The following ANXA10 variants were observed in gnomAD, a reference collection of about 807,000 sequenced individuals.
ANXA10 encodes annexin A10, also known as annexin 14.
ANXA10 carries 49 observed loss-of-function variants against 53.5 expected under a neutral mutation model. That is an observed-to-expected ratio of 0.92 (90% CI 0.73 to 1.16). The LOEUF is 1.16. Ranked by LOEUF, ANXA10 falls within the 50% of genes most tolerant of loss-of-function variation. ANXA10 has a pLI of 0.00. For missense variants in ANXA10, 393 were observed against 394.4 expected (o/e 1.00, Z 0.03); for synonymous variants, 131 against 128.9 (o/e 1.02, Z -0.11).
At chr4:168,118,380 A>G (rs1181036795) in intron 1 of ANXA10, among the ~76,000 whole-genome samples, 2 of 152,300 alleles carry the variant, frequency 1.3e-5, no homozygotes, top group African/African-American at 4.8e-5. Context: ...TGTATTTTCT[A>G]TTTCAGGGAG....
chr4:168,096,233 C>T (rs911640761), intron 1 of ANXA10, among the ~76,000 whole-genome samples: 1 of 152,122 alleles, frequency 6.6e-6, no homozygotes, highest in Non-Finnish European at 1.5e-5. Context: ...AGGACAAAAA[C>T]TTCCATCCAA....
At chr4:168,168,846 C>T (rs1014144205) in intron 6 of ANXA10, among the ~76,000 whole-genome samples, 6 of 152,100 alleles carry the variant, frequency 3.9e-5, no homozygotes, top group African/African-American at 1.4e-4. Context: ...CTATATTAGG[C>T]CCAAATAGAA....
At chr4:168,103,850 T>C (rs1349695512) in intron 1 of ANXA10, among the ~76,000 whole-genome samples, 1 of 151,966 alleles carries the variant, frequency 6.6e-6, no homozygotes, top group Non-Finnish European at 1.5e-5. Context: ...ATTCTGTTTC[T>C]TCTATTCCAA....
At chr4:168,157,244 A>G (rs966567084) in intron 3 of ANXA10, among the ~76,000 whole-genome samples, 1 of 152,034 alleles carries the variant, frequency 6.6e-6, no homozygotes, top group Non-Finnish European at 1.5e-5. Flanking sequence ...ACACAACACA[A>G]TCAAGGTATA....
chr4:168,157,217 A>G (rs1158339055), intron 3 of ANXA10, among the ~76,000 whole-genome samples: 2 of 152,172 alleles, frequency 1.3e-5, no homozygotes, highest in African/African-American at 4.8e-5. Context: ...AACTTTATTT[A>G]TGTTAATACA....
intron 1 of ANXA10, among the ~76,000 whole-genome samples, chr4:168,124,298 T>C (rs1579210618): frequency 6.6e-6 from 1 of 151,766 alleles, no homozygotes; most frequent in Non-Finnish European, 1.5e-5. Flanking sequence ...GAGATGGGAG[T>C]TGAGGAGGAA....
intron 1 of ANXA10, among the ~76,000 whole-genome samples, chr4:168,093,454 T>A (rs1730492570): frequency 6.6e-6 from 1 of 152,212 alleles, no homozygotes; most frequent in South Asian, 2.1e-4. Context: ...CCATTTCACA[T>A]GGTCTTGAAA....
chr4:168,111,077 T>TAA (rs1730799927), intron 1 of ANXA10, among the ~76,000 whole-genome samples: 1 of 152,234 alleles, frequency 6.6e-6, no homozygotes, highest in Non-Finnish European at 1.5e-5. Context: ...TGCTGATTAC[T>TAA]AACCTATCTA....
intron 1 of ANXA10, among the ~76,000 whole-genome samples, chr4:168,126,853 A>C (rs1731078209): frequency 6.6e-6 from 1 of 152,180 alleles, no homozygotes; most frequent in Non-Finnish European, 1.5e-5. Context: ...ACAACTTCAT[A>C]TTTATTAATC....
At chr4:168,118,801 C>A (rs982183425) in intron 1 of ANXA10, among the ~76,000 whole-genome samples, 14 of 152,038 alleles carry the variant, frequency 9.2e-5, no homozygotes, top group Non-Finnish European at 2.9e-5. Context: ...GTAAAGACAC[C>A]TTCATGGTAT....
chr4:168,094,581 C>G (rs866150522), intron 1 of ANXA10, among the ~76,000 whole-genome samples: 1 of 151,876 alleles, frequency 6.6e-6, no homozygotes, highest in Middle Eastern at 3.2e-3. Flanking sequence ...TAGTAATTGA[C>G]TGAGTTGTTT....
At position 168,184,696 on chromosome 4, in the gene ANXA10, C is replaced by T. The variant is rs1250485676; in HGVS notation, c.906+15C>T. 3 of 1,611,272 alleles carry T rather than the reference C, an allele frequency of 1.9e-6. No homozygotes were observed. The highest frequency in any genetic ancestry group is 2.5e-6 in the Non-Finnish European group (3 of 1,179,022). ...ATGATATCAGAGTAAGTTTCCGACA[C>T]ATGATTTATTTGGACCCACATTTTC... On this transcript the variant is annotated intron_variant, in intron 11 of 11. Coordinates refer to ENST00000359299, the MANE Select transcript of ANXA10 (RefSeq NM_007193.5).
chr4:168,125,887 C>A (rs1004075788), intron 1 of ANXA10, among the ~76,000 whole-genome samples: 5 of 151,890 alleles, frequency 3.3e-5, no homozygotes, highest in Admixed American at 1.3e-4. Flanking sequence ...AACCTAAATT[C>A]TTATGTAACT....
At chr4:168,164,168 T>C (rs560111141) in intron 4 of ANXA10, 30 bp from the exon 5 acceptor site, 11 of 1,487,454 alleles carry the variant, frequency 7.4e-6, no homozygotes, top group Non-Finnish European at 1.0e-5. Flanking sequence ...AAAAATATCC[T>C]TACATTTATC....
intron 3 of ANXA10, among the ~76,000 whole-genome samples, chr4:168,154,074 TCTC>T (rs1731559273): frequency 6.6e-6 from 1 of 151,942 alleles, no homozygotes; most frequent in Non-Finnish European, 1.5e-5. Flanking sequence ...GCACTACTAA[TCTC>T]AGTCTACAAT....
chr4:168,153,805 A>C (rs1396911427), intron 3 of ANXA10, among the ~76,000 whole-genome samples: 2 of 152,190 alleles, frequency 1.3e-5, no homozygotes, highest in Non-Finnish European at 2.9e-5. Context: ...AAGTTAAGGA[A>C]CATATTTAGA....
chr4:168,154,730 G>A (rs532610922), intron 3 of ANXA10, among the ~76,000 whole-genome samples: 5 of 152,162 alleles, frequency 3.3e-5, no homozygotes, highest in South Asian at 2.1e-4. Flanking sequence ...CACTTTGGTC[G>A]CATATAATTA....
intron 3 of ANXA10, among the ~76,000 whole-genome samples, chr4:168,161,802 G>C (rs1731789001): frequency 6.6e-6 from 1 of 151,944 alleles, no homozygotes; most frequent in South Asian, 2.1e-4. Context: ...TGTATCCCTA[G>C]GTATTTTATT....
intron 1 of ANXA10, among the ~76,000 whole-genome samples, chr4:168,127,238 A>G (rs1214622822): frequency 6.6e-6 from 1 of 152,170 alleles, no homozygotes; most frequent in Admixed American, 6.6e-5. Flanking sequence ...AGCCTGCTTT[A>G]AATGTTCTAC....
Sources: gnomAD v4.1 joint callset for allele counts (sites outside exome capture counted in the v4.1 genomes callset) on GRCh38, gnomAD v4.1.1 for gene constraint, MANE v1.5 for transcripts, NCBI Gene and HGNC (gene_info 2026-07-23, HGNC 2026-07-21) for gene names.